Variants in ORC4 observed in about 807,000 individuals in gnomAD.
ORC4 encodes origin recognition complex, subunit 4 homolog.
ORC4 carries 55 observed loss-of-function variants against 63.9 expected under a neutral mutation model. That is an observed-to-expected ratio of 0.86 (90% CI 0.69 to 1.08). ORC4 has a LOEUF of 1.08. ORC4 is among the 50% of genes least tolerant of loss of function. The pLI, the probability that ORC4 is intolerant of heterozygous loss-of-function variation, is 0.00. For synonymous variants in ORC4, 150 were observed against 168.5 expected, an observed-to-expected ratio of 0.89 and a Z score of 0.85; for missense variants, 511 against 504.4, an observed-to-expected ratio of 1.01 and a Z score of -0.13.
At chr2:148,000,841 T>C (rs1304165676) in intron 1 of ORC4, among the ~76,000 whole-genome samples, 1 of 152,068 alleles carries the variant, frequency 6.6e-6, no homozygotes, top group Non-Finnish European at 1.5e-5. Flanking sequence ...TGGTCGTATA[T>C]GAAAAATTAA....
At chr2:148,006,932 T>C (rs961728527) in intron 1 of ORC4, among the ~76,000 whole-genome samples, 21 of 152,162 alleles carry the variant, frequency 1.4e-4, no homozygotes, top group Admixed American at 9.2e-4. Context: ...AGACTCCTGA[T>C]TGAAGGAAAG....
chr2:147,961,547 C>T (rs1040650828), intron 4 of ORC4, among the ~76,000 whole-genome samples: 4 of 152,076 alleles, frequency 2.6e-5, no homozygotes, highest in Admixed American at 6.5e-5. Context: ...TCTCAGGATA[C>T]TCCCACACAT....
chr2:147,942,896 A>ATTAT (rs1024882351), intron 10 of ORC4, among the ~76,000 whole-genome samples: 60 of 152,282 alleles, frequency 3.9e-4, no homozygotes, highest in Admixed American at 5.2e-4. Context: ...ATAGACTATA[A>ATTAT]GTCAATCACA....
chr2:147,940,690 GAACT>G (rs1303586059), intron 10 of ORC4, among the ~76,000 whole-genome samples: 1 of 151,952 alleles, frequency 6.6e-6, no homozygotes, highest in Non-Finnish European at 1.5e-5. Flanking sequence ...AAAAAGGAAT[GAACT>G]AACAGCATTT....
chr2:147,965,330 TAA>T (rs2105331713), intron 4 of ORC4, among the ~76,000 whole-genome samples: 2 of 151,698 alleles, frequency 1.3e-5, no homozygotes, highest in African/African-American at 4.8e-5. Context: ...GTTTCCCATT[TAA>T]AAAATACAGA....
intron 1 of ORC4, among the ~76,000 whole-genome samples, chr2:148,012,985 T>C (rs1693064519): frequency 6.6e-6 from 1 of 152,184 alleles, no homozygotes. Flanking sequence ...TTGTACACTG[T>C]TGGTGGAAAT....
chr2:147,998,959 T>C lies in ORC4; in HGVS notation c.-18+21674A>G, dbSNP rs1482244359. ...ATGAAAGGATGGGAACAGCTGTCAA[T>C]TCCAGGTTTCATCTACCTTTTGGTT... On this transcript the variant is annotated intron_variant, in intron 1 of 13. Coordinates refer to ENST00000392857, the MANE Select transcript of ORC4 (RefSeq NM_181741.4). Among the ~76,000 whole-genome samples the C allele has an allele frequency of 2.0e-5, 3 of 152,198 alleles. No individual in the cohort carries two copies. The East Asian group carries it at 5.8e-4, about 29-fold the overall frequency.
chr2:147,949,195 C>T (rs1688818581), intron 8 of ORC4, among the ~76,000 whole-genome samples: 1 of 151,678 alleles, frequency 6.6e-6, no homozygotes, highest in African/African-American at 2.4e-5. Flanking sequence ...GAAATATAAA[C>T]AACCCAAATG....
chr2:147,939,262 G>A lies in ORC4; in HGVS notation c.850-14C>T, dbSNP rs1688234437. ...TAAAGCAAGCATCTAGGGAAAGACA[G>A]ATCAGAAAAACAATTACGTATTTAC... On this transcript the variant is annotated splice_polypyrimidine_tract_variant and intron_variant, in intron 10 of 13. Transcript: ENST00000392857. The A allele has an allele frequency of 1.3e-6, 2 of 1,551,818 alleles. No individual in the cohort carries two copies. The highest frequency in any genetic ancestry group is 1.4e-5 in the African/African-American group (1 of 73,822).
chr2:148,015,307 ATTTTTTTTTTTT>A (rs1158861758), intron 1 of ORC4, among the ~76,000 whole-genome samples: 1 of 92,290 alleles, frequency 1.1e-5, no homozygotes, highest in Non-Finnish European at 2.1e-5. Context: ...TGATATTGGA[ATTTTTTTTTTTT>A]TTTTTTTTTT....
chr2:147,966,088 C>T (rs960106849), intron 4 of ORC4, among the ~76,000 whole-genome samples: 4 of 151,552 alleles, frequency 2.6e-5, no homozygotes, highest in Non-Finnish European at 4.4e-5. Flanking sequence ...AAAAACTATA[C>T]AAAAATATGG....
At chr2:147,971,680 T>C (rs1690220025) in intron 4 of ORC4, among the ~76,000 whole-genome samples, 1 of 151,776 alleles carries the variant, frequency 6.6e-6, no homozygotes, top group African/African-American at 2.4e-5. Flanking sequence ...TAACAGTGAA[T>C]TCAAATGCAA....
At chr2:147,983,915 T>C (rs1213402845) in intron 1 of ORC4, among the ~76,000 whole-genome samples, 3 of 152,142 alleles carry the variant, frequency 2.0e-5, no homozygotes, top group Non-Finnish European at 4.4e-5. Context: ...GATAGATGCT[T>C]CTGAACCACT....
At chr2:147,956,837 T>C (rs1029606717) in intron 6 of ORC4, among the ~76,000 whole-genome samples, 1 of 151,858 alleles carries the variant, frequency 6.6e-6, no homozygotes, top group African/African-American at 2.4e-5. Flanking sequence ...AAAACCAATA[T>C]GAATATGTAA....
At chr2:147,984,127 CAA>C (rs1691053671) in intron 1 of ORC4, among the ~76,000 whole-genome samples, 2 of 151,998 alleles carry the variant, frequency 1.3e-5, no homozygotes, top group Admixed American at 1.3e-4. Flanking sequence ...AATTAGAAAC[CAA>C]AAGAGATAGA....
Position 147,952,538 on chromosome 2 carries a change from A to C in ORC4, c.437-14T>G. ...TAGTTCGGTCACCTAAGATAAAATA[A>C]GAGCATTACATTAATAAGAAATTAT... On this transcript the variant is annotated splice_polypyrimidine_tract_variant and intron_variant, in intron 7 of 13. Transcript: ENST00000392857. The C allele has an allele frequency of 6.3e-7, 1 of 1,577,284 alleles. No individual in the cohort carries two copies. The highest frequency in any genetic ancestry group is 8.7e-7 in the Non-Finnish European group (1 of 1,146,664).
In ORC4 at chr2:147,951,030, G is replaced by C. The variant is rs556257177; in HGVS notation, c.588+1343C>G. Among the ~76,000 whole-genome samples the C allele has an allele frequency of 2.6e-5, 4 of 151,822 alleles. No homozygotes were observed. In the East Asian group the frequency reaches 7.8e-4, roughly 29 times the overall value. On this transcript the variant is annotated intron_variant, in intron 8 of 13. Transcript: ENST00000392857. ...TGGCAAGGAGGAATAAAGATATGTG[G>C]AGCACCAGCCAGTGATGTATGAGGG...
chr2:147,959,908 C>G (rs1365536892), intron 4 of ORC4, among the ~76,000 whole-genome samples: 3 of 152,140 alleles, frequency 2.0e-5, no homozygotes, highest in Non-Finnish European at 4.4e-5. Flanking sequence ...TTCTTCACCT[C>G]TGGATCAGGT....
At chr2:147,938,079 T>C (rs1430227637) in intron 13 of ORC4, 67 bp downstream of exon 13, 2 of 1,036,798 alleles carry the variant, frequency 1.9e-6, no homozygotes, top group Admixed American at 1.9e-5. Flanking sequence ...GCAATTTTAA[T>C]ACATAATCAA....
Sources: allele counts gnomAD v4.1 joint callset (sites outside exome capture counted in the v4.1 genomes callset), GRCh38; gene constraint gnomAD v4.1.1; transcripts MANE v1.5; gene names NCBI Gene and HGNC (gene_info 2026-07-23, HGNC 2026-07-21).